Variants in BNIP2 observed in about 807,000 individuals in gnomAD.
The protein encoded by BNIP2 is BCL2/adenovirus E1B 19 kDa protein-interacting protein 2.
Under a neutral mutation model 43.4 loss-of-function variants are expected in BNIP2, and 36 were observed. The ratio of observed to expected loss-of-function variants is 0.83; its 90% CI spans 0.64 to 1.10. BNIP2 has a LOEUF of 1.10. Ranked by LOEUF, BNIP2 falls within the 50% of genes least tolerant of loss-of-function variation. BNIP2 has a pLI of 0.00. For synonymous variants in BNIP2, 146 were observed against 121.0 expected (o/e 1.21, Z -1.35); for missense variants, 417 against 374.1 (o/e 1.11, Z -0.95).
intron 1 of BNIP2, among the ~76,000 whole-genome samples, chr15:59,687,590 T>G (rs566214325): frequency 4.9e-4 from 75 of 152,090 alleles, no homozygotes; most frequent in African/African-American, 1.7e-3. Context: ...GCTTTATCAT[T>G]TTTTGCTCCT....
chr15:59,676,177 A>C (rs1425399678), intron 5 of BNIP2, among the ~76,000 whole-genome samples: 2 of 152,064 alleles, frequency 1.3e-5, no homozygotes, highest in African/African-American at 4.8e-5. Context: ...AAAATTTTTT[A>C]ATTTTGAGAC....
intron 1 of BNIP2, among the ~76,000 whole-genome samples, chr15:59,685,362 G>T (rs918313179): frequency 6.6e-6 from 1 of 152,134 alleles, no homozygotes. Context: ...TCAGCCAGGC[G>T]TGGTGGCGCC....
intron 5 of BNIP2, among the ~76,000 whole-genome samples, chr15:59,677,597 G>C (rs6151517): frequency 1.3e-5 from 2 of 152,290 alleles, no homozygotes; most frequent in South Asian, 4.1e-4. Context: ...TGTCAGCAAA[G>C]AACATTGGGA....
chr15:59,665,285 AAAAAG>A (rs1324949185), intron 9 of BNIP2: 1 of 151,796 alleles, frequency 6.6e-6, no homozygotes, highest in East Asian at 1.9e-4. Context: ...TAAAATAAAA[AAAAAG>A]AATTTAACAT....
intron 7 of BNIP2, among the ~76,000 whole-genome samples, chr15:59,669,883 CTAAA>C (rs757472761): frequency 6.6e-5 from 10 of 152,110 alleles, no homozygotes; most frequent in South Asian, 4.1e-4. Context: ...TTTTAAATGA[CTAAA>C]TACTCTTTGT....
At chr15:59,668,147 G>C in intron 9 of BNIP2, 1 of 1,256,546 alleles carries the variant, frequency 8.0e-7, no homozygotes, top group Non-Finnish European at 1.1e-6. Flanking sequence ...ACCTTTGTAG[G>C]GAAGAGTTAT....
In BNIP2 at chr15:59,663,988, G is replaced by T; in HGVS notation, c.*81C>A. ...TGTAACAGGTTACATAAAAATATGG[G>T]CCAATAAATGCATTATGAATGCAGA... On this transcript the variant is annotated 3_prime_UTR_variant, in exon 10 of 10. Coordinates refer to ENST00000607373, the MANE Select transcript of BNIP2 (RefSeq NM_004330.4). 9.2e-7 allele frequency: 1 copy of T among 1,086,512 alleles called. No individual in the cohort carries two copies. The highest frequency in any genetic ancestry group is 1.6e-5 in the African/African-American group (1 of 61,322). 67.3% of individuals were successfully genotyped at this position (1,086,512 alleles called of 1,614,324 possible). A position where few individuals can be genotyped will look rare whatever the true frequency, so the allele number is the denominator to read the frequency against.
intron 9 of BNIP2, 84 bp downstream of exon 9, chr15:59,668,808 A>G: frequency 1.7e-6 from 2 of 1,185,928 alleles, no homozygotes; most frequent in South Asian, 2.8e-5. Context: ...TATAATACAT[A>G]AAGAATGAGT....
At chr15:59,687,951 C>T (rs1451173372) in intron 1 of BNIP2, among the ~76,000 whole-genome samples, 1 of 152,214 alleles carries the variant, frequency 6.6e-6, no homozygotes, top group East Asian at 1.9e-4. Context: ...CTCCAGTGCA[C>T]TGGCAATTTT....
rs200998238 is a variant in BNIP2 at position 59,682,492 on chromosome 15, T to A, written c.-35A>T. ...GGATTCAATGTCAACTACAAACTCT[T>A]GATAATCCAGGGAGCCAATGTCCTA... On this transcript the variant is annotated 5_prime_UTR_variant, in exon 2 of 10. Coordinates refer to ENST00000607373, the MANE Select transcript of BNIP2 (RefSeq NM_004330.4). 1.5e-4 allele frequency: 237 copies of A among 1,613,090 alleles called. 2 individuals are homozygous for A. In the African/African-American group the frequency reaches 2.9e-3, roughly 20 times the overall value.
intron 1 of BNIP2, among the ~76,000 whole-genome samples, chr15:59,685,964 T>C (rs1428272241): frequency 6.6e-6 from 1 of 152,186 alleles, no homozygotes; most frequent in Non-Finnish European, 1.5e-5. Context: ...TTTTGGAAAT[T>C]AGAATGGGAA....
rs375916888 is a variant in BNIP2, at chr15:59,682,410, C to T, written c.48G>A (p.Pro16=). 95 of 1,610,148 alleles carry T rather than the reference C, an allele frequency of 5.9e-5. No homozygotes were observed. Among genetic ancestry groups the T allele is most frequent in the Non-Finnish European group, 7.0e-5 (83 of 1,178,674 alleles). The change falls in exon 2 of 10, where the codon CCG becomes CCA. Residue 16 remains proline (P), a splice_region_variant and synonymous_variant. Transcript: ENST00000607373. ...TTTCTTTTAAAAGCATTGCTCACAT[C>T]GGAAAATCTTCATCTTGCCATTCTT... ...LKEEWQDEDF[P]IPLPEDDSIE... is the part of the protein sequence containing the mutation.
rs1250430514 is a variant in BNIP2, at chr15:59,659,309, T to C, written c.*4760A>G. 1 of 152,228 alleles carries C rather than the reference T, an allele frequency of 6.6e-6. No individual in the cohort carries two copies. The highest frequency in any genetic ancestry group is 1.5e-5 in the Non-Finnish European group (1 of 68,036). The allele number at this position is 152,228 out of a possible 1,614,324, so 9.4% of individuals were successfully genotyped here. A position where few individuals can be genotyped will look rare whatever the true frequency, so the allele number is the denominator to read the frequency against. ...TCTTACAGGGACCACATTAATATCTTGCACACACAGACATCAGAACTGAAT... is the reference window on the plus strand; with the variant it reads ...TCTTACAGGGACCACATTAATATCTCGCACACACAGACATCAGAACTGAAT... On this transcript the variant is annotated 3_prime_UTR_variant, in exon 10 of 10. Coordinates refer to ENST00000607373, the MANE Select transcript of BNIP2 (RefSeq NM_004330.4).
chr15:59,689,263 C>G lies in BNIP2; in HGVS notation c.-186G>C, dbSNP rs1894227830. On this transcript the variant is annotated 5_prime_UTR_variant, in exon 1 of 10. Coordinates refer to ENST00000607373, the MANE Select transcript of BNIP2 (RefSeq NM_004330.4). The stretch of plus-strand genomic sequence containing the variant: ...CCTCGGTCGGCGGTGGAGACCCCGG[C>G]CCAATCCCCCGGCCGCAGCGGTACG... 1 of 1,544,596 alleles carries G rather than the reference C, an allele frequency of 6.5e-7. No individual in the cohort carries two copies. The highest frequency in any genetic ancestry group is 1.4e-5 in the African/African-American group (1 of 72,930).
intron 9 of BNIP2, among the ~76,000 whole-genome samples, chr15:59,665,100 C>T (rs1386949875): frequency 2.0e-5 from 3 of 151,720 alleles, no homozygotes; most frequent in Non-Finnish European, 2.9e-5. Flanking sequence ...CCCATCTCTA[C>T]TAAAAATACA....
intron 2 of BNIP2, 60 bp from the exon 3 acceptor site, chr15:59,680,368 T>C: frequency 7.7e-7 from 1 of 1,292,956 alleles, no homozygotes; most frequent in East Asian, 2.5e-5. Flanking sequence ...TTTTTGAAGT[T>C]CAATCTATTA....
Position 59,662,207 on chromosome 15 carries a change from A to G in BNIP2, c.*1862T>C, listed in dbSNP as rs1892316167. On this transcript the variant is annotated 3_prime_UTR_variant, in exon 10 of 10. Coordinates refer to ENST00000607373, the MANE Select transcript of BNIP2 (RefSeq NM_004330.4). ...ACCTCAGCCCATTTTGAGCAAGATA[A>G]AGATGTACAGATGAAAGACTACGTT... is the stretch of plus-strand genomic sequence containing the variant. 2 of 152,234 alleles carry G rather than the reference A, an allele frequency of 1.3e-5. No homozygotes were observed. The highest frequency in any genetic ancestry group is 2.1e-4 in the South Asian group (1 of 4,838). The allele number at this position is 152,234 out of a possible 1,614,324, so 9.4% of individuals were successfully genotyped here.
intron 1 of BNIP2, among the ~76,000 whole-genome samples, chr15:59,683,538 C>G (rs1239218761): frequency 6.6e-6 from 1 of 152,198 alleles, no homozygotes. Context: ...GACACTAGGC[C>G]GGGCGCGGTG....
chr15:59,678,917 T>C, intron 4 of BNIP2: 6 of 1,226,832 alleles, frequency 4.9e-6, no homozygotes, highest in South Asian at 1.4e-5. Flanking sequence ...TGCTTACTAC[T>C]GGACTGTTTA....
Sources: allele counts gnomAD v4.1 joint callset (sites outside exome capture counted in the v4.1 genomes callset), GRCh38; gene constraint gnomAD v4.1.1; transcripts MANE v1.5; gene names NCBI Gene and HGNC (gene_info 2026-07-23, HGNC 2026-07-21).